Variants in TMPRSS3 observed in about 807,000 individuals in gnomAD.
TMPRSS3 encodes the protein transmembrane serine protease 3.
Under a neutral mutation model 59.6 loss-of-function variants are expected in TMPRSS3, and 55 were observed. The observed-to-expected ratio is 0.92, with a 90% CI of 0.74 to 1.16. The LOEUF (loss-of-function observed/expected upper bound fraction) is 1.16, where lower values mean the gene tolerates loss of function less well. TMPRSS3 is among the 50% of genes most tolerant of loss of function. The pLI, the probability that TMPRSS3 is intolerant of heterozygous loss-of-function variation, is 0.00. For missense variants in TMPRSS3, 596 were observed against 579.4 expected, an observed-to-expected ratio of 1.03 and a Z score of -0.29; for synonymous variants, 257 against 237.7, an observed-to-expected ratio of 1.08 and a Z score of -0.75.
intron 2 of TMPRSS3, among the ~76,000 whole-genome samples, chr21:42,390,588 C>T (rs1207135080): frequency 6.6e-6 from 1 of 152,110 alleles, no homozygotes; most frequent in Non-Finnish European, 1.5e-5. Context: ...ATTAGCTGGG[C>T]ATGATGGCAG....
intron 12 of TMPRSS3, 124 bp downstream of exon 12, chr21:42,375,592 C>T: frequency 1.6e-6 from 2 of 1,274,266 alleles, no homozygotes; most frequent in Non-Finnish European, 2.3e-6. Context: ...CACCAAGTCA[C>T]TGCTGCTGAA....
Position 42,376,797 on chromosome 21 carries a change from T to C in TMPRSS3, c.1049-114A>G, listed in dbSNP as rs1428964897. The C allele has an allele frequency of 3.3e-6, 5 of 1,516,748 alleles. No homozygotes were observed. The Admixed American group carries it at 8.4e-5, about 25-fold the overall frequency. 94.0% of individuals were successfully genotyped at this position (1,516,748 alleles called of 1,614,324 possible). A position where few individuals can be genotyped will look rare whatever the true frequency, so the allele number is the denominator to read the frequency against. On this transcript the variant is annotated intron_variant, in intron 10 of 12. Transcript: ENST00000644384. ...AACGAGGGACGAGGGGGATGCTCTC[T>C]GGTGTGTCGCAACAGCGGAAAAGGA... is the stretch of plus-strand genomic sequence containing the variant.
At chr21:42,377,772 ACT>A (rs1282627501) in intron 10 of TMPRSS3, among the ~76,000 whole-genome samples, 2 of 152,108 alleles carry the variant, frequency 1.3e-5, no homozygotes, top group Non-Finnish European at 2.9e-5. Flanking sequence ...ATCACAAGAC[ACT>A]CAGCTTCCTG....
Position 42,393,241 on chromosome 21 carries a change from T to C in TMPRSS3, c.94+2083A>G, listed in dbSNP as rs375263276. ...GCCTGGGCGACAGAGCGAGACCTCG[T>C]CTCAAGAAAAAGAAAAAAAAAAAGC... On this transcript the variant is annotated intron_variant, in intron 2 of 12. Transcript: ENST00000644384. 5.6e-5 allele frequency among the ~76,000 whole-genome samples: 5 copies of C among 89,648 alleles called. No individual in the cohort carries two copies. The East Asian group carries it at 7.9e-4, about 14-fold the overall frequency. 58.8% of individuals were successfully genotyped at this position (89,648 alleles called of 152,430 possible). A position where few individuals can be genotyped will look rare whatever the true frequency, so the allele number is the denominator to read the frequency against.
At chr21:42,389,111 C>T (rs1486629372) in intron 3 of TMPRSS3, 66 bp from the exon 4 acceptor site, 40 of 1,605,934 alleles carry the variant, frequency 2.5e-5, no homozygotes, top group Non-Finnish European at 3.4e-5. Context: ...TAACAACTGT[C>T]CCCCTGCCAC....
At chr21:42,389,205 C>T (rs1287226916) in intron 3 of TMPRSS3, 160 bp from the exon 4 acceptor site, 1 of 1,478,818 alleles carries the variant, frequency 6.8e-7, no homozygotes, top group East Asian at 2.5e-5. Flanking sequence ...AGCCCAGTTT[C>T]TGTTTTGAAT....
rs769615599 is a variant in TMPRSS3, at chr21:42,376,695, T to C, written c.1049-12A>G. The C allele has an allele frequency of 6.2e-6, 10 of 1,613,186 alleles. No individual in the cohort carries two copies. In the African/African-American group the frequency reaches 1.1e-4, roughly 17 times the overall value. ...AGGGGAGGCGTCACCTGCTTCAAAG[T>C]GAGTGAGGGGATGTGTGTGAGAAGG... On this transcript the variant is annotated splice_polypyrimidine_tract_variant and intron_variant, in intron 10 of 12. Transcript: ENST00000644384.
chr21:42,382,987 A>G, intron 8 of TMPRSS3, 46 bp downstream of exon 8: 1 of 1,611,606 alleles, frequency 6.2e-7, no homozygotes, highest in Non-Finnish European at 8.5e-7. Context: ...CCCTGACATG[A>G]CCCAGGAGTG....
intron 12 of TMPRSS3, 32 bp downstream of exon 12, chr21:42,375,684 A>G: frequency 6.2e-7 from 1 of 1,613,540 alleles, no homozygotes; most frequent in South Asian, 1.1e-5. Flanking sequence ...AAAGCCAGGG[A>G]CAACGTGAGC....
intron 2 of TMPRSS3, among the ~76,000 whole-genome samples, chr21:42,392,214 A>G (rs980409168): frequency 2.6e-5 from 4 of 152,176 alleles, no homozygotes; most frequent in African/African-American, 9.7e-5. Flanking sequence ...GAGACTCACA[A>G]CTTCTACCCT....
chr21:42,382,460 G>T, intron 8 of TMPRSS3: 1 of 574,622 alleles, frequency 1.7e-6, no homozygotes, highest in Non-Finnish European at 3.1e-6. Flanking sequence ...CAGCACCTCT[G>T]AGGTCGTCTT....
Position 42,382,081 on chromosome 21 carries a change from C to T in TMPRSS3, c.936G>A (p.Gly312=). ...CAGATGTACCATTGAACGTGAGTGG[C>T]CCGGCCAGCTTCATAAGGGCGATGT... The part of the protein sequence containing the change: ...GNDIALMKLA[G]PLTFNEMIQP... The change falls in exon 9 of 13, where the codon GGG becomes GGA. Residue 312 remains glycine (G), a synonymous_variant. Coordinates refer to ENST00000644384, the MANE Select transcript of TMPRSS3 (RefSeq NM_001256317.3). The T allele has an allele frequency of 1.9e-6, 3 of 1,614,214 alleles. 1 individual carries two copies. The highest frequency in any genetic ancestry group is 2.2e-5 in the South Asian group (2 of 91,084).
intron 9 of TMPRSS3, 93 bp from the exon 10 acceptor site, chr21:42,380,305 C>T: frequency 6.8e-6 from 7 of 1,034,938 alleles, no homozygotes; most frequent in Non-Finnish European, 1.0e-5. Context: ...GGAGCCCAAA[C>T]TATCTCCCAA....
chr21:42,380,132 C>T lies in TMPRSS3; in HGVS notation c.1033G>A (p.Ala345Thr), dbSNP rs573318480. 6.2e-7 allele frequency: 1 copy of T among 1,613,796 alleles called. No individual in the cohort carries two copies. Among genetic ancestry groups the T allele is most frequent in the South Asian group, 1.1e-5 (1 of 91,026 alleles). ...GCCCACTGACCTCCATCCTCTGTGG[C>T]CCCCCATCCTGACGTCCAGCACACT... Reference protein sequence around the residue: ...GKVCWTSGWGATEDGGDASPV... With the variant: ...GKVCWTSGWGTTEDGGDASPV... The change falls in exon 10 of 13, where the codon GCC becomes ACC. Residue 345 changes from alanine to threonine, a missense_variant. Physicochemically the swap from Ala to Thr is moderately conservative, Grantham distance 58 (BLOSUM62 0). Transcript: ENST00000644384.
At chr21:42,395,184 T>A in intron 2 of TMPRSS3, 140 bp downstream of exon 2, 1 of 748,752 alleles carries the variant, frequency 1.3e-6, no homozygotes, top group South Asian at 1.5e-5. Context: ...ATTCTGCAGA[T>A]CTAGGGAAGT....
Position 42,372,443 on chromosome 21 carries a change from C to T in TMPRSS3, c.*319G>A. 1 of 534,930 alleles carries T rather than the reference C, an allele frequency of 1.9e-6. No homozygotes were observed. The highest frequency in any genetic ancestry group is 2.2e-5 in the Admixed American group (1 of 44,950). 33.1% of individuals were successfully genotyped at this position (534,930 alleles called of 1,614,324 possible). On this transcript the variant is annotated 3_prime_UTR_variant, in exon 13 of 13. Coordinates refer to ENST00000644384, the MANE Select transcript of TMPRSS3 (RefSeq NM_001256317.3). ...GGTGTGGTGGCGGGCACCTGTGGTCCCAGCTACTGGGGAAGCTGAGGCAAG... is the reference window on the plus strand; with the variant it reads ...GGTGTGGTGGCGGGCACCTGTGGTCTCAGCTACTGGGGAAGCTGAGGCAAG...
intron 1 of TMPRSS3, 41 bp from the exon 2 acceptor site, chr21:42,395,509 A>G: frequency 9.0e-7 from 1 of 1,109,148 alleles, no homozygotes; most frequent in Non-Finnish European, 1.4e-6. Context: ...TCCCCTATTT[A>G]TACTTGTAGC....
intron 11 of TMPRSS3, 137 bp from the exon 12 acceptor site, chr21:42,376,005 G>A: frequency 1.7e-6 from 2 of 1,155,432 alleles, no homozygotes; most frequent in South Asian, 1.3e-5. Context: ...GGATGACCCA[G>A]GTTACAGAAG....
chr21:42,373,186 A>T (rs995709043), intron 12 of TMPRSS3, among the ~76,000 whole-genome samples: 3 of 152,320 alleles, frequency 2.0e-5, no homozygotes, highest in African/African-American at 4.8e-5. Flanking sequence ...CCCGCAAGAC[A>T]GTGAGTCTTC....
Sources: allele counts gnomAD v4.1 joint callset (sites outside exome capture counted in the v4.1 genomes callset), GRCh38; gene constraint gnomAD v4.1.1; transcripts MANE v1.5; gene names NCBI Gene and HGNC (gene_info 2026-07-23, HGNC 2026-07-21).